Variants in SMIM19 observed in about 807,000 individuals in gnomAD.
SMIM19 encodes UPF0697 protein C8orf40.
Under a neutral mutation model 13.2 loss-of-function variants are expected in SMIM19, and 6 were observed. The observed-to-expected ratio is 0.45, with a 90% CI of 0.25 to 0.90. The LOEUF is 0.90. Ranked by LOEUF, SMIM19 falls within the 40% of genes least tolerant of loss-of-function variation. The probability of loss-of-function intolerance (pLI) is 0.19; values close to 1 mark genes in which losing one functional copy is unlikely to be tolerated. For synonymous variants in SMIM19, 46 were observed against 43.1 expected (o/e 1.07, Z -0.27); for missense variants, 138 against 131.0 (o/e 1.05, Z -0.26).
Position 42,554,286 on chromosome 8 carries a change from G to A in SMIM19, c.*1678G>A, listed in dbSNP as rs937150213. 25 of 152,270 alleles carry A rather than the reference G, an allele frequency of 1.6e-4. 1 individual carries two copies. The East Asian group carries it at 4.6e-3, about 28-fold the overall frequency. The allele number at this position is 152,270 out of a possible 1,614,324, so 9.4% of individuals were successfully genotyped here. On this transcript the variant is annotated 3_prime_UTR_variant, in exon 4 of 4. Coordinates refer to ENST00000417410, the MANE Select transcript of SMIM19 (RefSeq NM_001135674.2). ...GGTTGTAGTAACAGAGCAACAAGGG[G>A]ACAATCTTCTAAACTTGCCTTTGCC...
intron 2 of SMIM19, 34 bp downstream of exon 2, chr8:42,546,640 G>A: frequency 6.3e-7 from 1 of 1,587,358 alleles, no homozygotes; most frequent in Middle Eastern, 1.7e-4. Flanking sequence ...GATAAAAACT[G>A]TGCATTTACA....
At chr8:42,546,672 A>G in intron 2 of SMIM19, 66 bp downstream of exon 2, 1 of 1,556,146 alleles carries the variant, frequency 6.4e-7, no homozygotes, top group Non-Finnish European at 8.7e-7. Context: ...TTTAAGAAAT[A>G]TGAAATGAAT....
At chr8:42,549,687 G>A (rs1813603009) in intron 3 of SMIM19, among the ~76,000 whole-genome samples, 1 of 152,046 alleles carries the variant, frequency 6.6e-6, no homozygotes, top group Non-Finnish European at 1.5e-5. Flanking sequence ...TATATGTAAT[G>A]CCACTGAACT....
chr8:42,545,973 T>A (rs1813464911), intron 1 of SMIM19, among the ~76,000 whole-genome samples: 1 of 152,204 alleles, frequency 6.6e-6, no homozygotes, highest in African/African-American at 2.4e-5. Flanking sequence ...TATTTTAGGT[T>A]TTGTGGGCTT....
At position 42,552,588 on chromosome 8, in the gene SMIM19, G is replaced by C; in HGVS notation, c.304G>C (p.Val102Leu). The change falls in exon 4 of 4, where the codon GTG (valine) becomes CTG (leucine). Residue 102 changes from valine (V) to leucine (L), a missense_variant. Physicochemically the swap from Val to Leu is conservative, Grantham distance 32. Transcript: ENST00000417410. Reference sequence around the variant, plus strand: ...GCAGCCACAAAACCAAGCTGACAGTGTGCAACTCTCATTGGAATGAAACCT... The same window carrying C: ...GCAGCCACAAAACCAAGCTGACAGTCTGCAACTCTCATTGGAATGAAACCT... ...YQQPQNQADS[V>L]QLSLE 6.2e-7 allele frequency: 1 copy of C among 1,614,110 alleles called. No individual in the cohort carries two copies. The highest frequency in any genetic ancestry group is 8.5e-7 in the Non-Finnish European group (1 of 1,179,994).
At chr8:42,550,336 T>TA (rs1011923739) in intron 3 of SMIM19, among the ~76,000 whole-genome samples, 7 of 152,166 alleles carry the variant, frequency 4.6e-5, no homozygotes, top group Admixed American at 3.9e-4. Flanking sequence ...TGTAACAAAT[T>TA]ACCACAAATG....
chr8:42,546,002 G>T (rs1813466418), intron 1 of SMIM19, among the ~76,000 whole-genome samples: 1 of 152,122 alleles, frequency 6.6e-6, no homozygotes, highest in Non-Finnish European at 1.5e-5. Context: ...AATCAATATT[G>T]TGTAGGTGCA....
chr8:42,547,989 G>T (rs992401912), intron 2 of SMIM19, among the ~76,000 whole-genome samples: 1 of 152,148 alleles, frequency 6.6e-6, no homozygotes, highest in Non-Finnish European at 1.5e-5. Flanking sequence ...TTGGCCTGAG[G>T]AATCATTCAG....
intron 2 of SMIM19, 135 bp from the exon 3 acceptor site, chr8:42,548,521 A>G (rs1246315330): frequency 8.5e-7 from 1 of 1,182,882 alleles, no homozygotes; most frequent in African/African-American, 1.5e-5. Context: ...GCAGCTCTCA[A>G]AGACAAAATA....
At chr8:42,546,879 C>T (rs1396537553) in intron 2 of SMIM19, among the ~76,000 whole-genome samples, 1 of 150,376 alleles carries the variant, frequency 6.6e-6, no homozygotes. Flanking sequence ...GTTACTTGGG[C>T]GGCTGAGACA....
chr8:42,545,889 A>C (rs1813462079), intron 1 of SMIM19, among the ~76,000 whole-genome samples: 1 of 152,206 alleles, frequency 6.6e-6, no homozygotes, highest in South Asian at 2.1e-4. Context: ...TGGAAACTGC[A>C]ATAACATTTC....
chr8:42,552,017 GAAT>G (rs575897518), intron 3 of SMIM19, among the ~76,000 whole-genome samples: 1 of 152,098 alleles, frequency 6.6e-6, no homozygotes, highest in African/African-American at 2.4e-5. Context: ...CCTGATACAT[GAAT>G]AATAATAATA....
chr8:42,544,320 G>A (rs1244510085), intron 1 of SMIM19, among the ~76,000 whole-genome samples: 1 of 151,884 alleles, frequency 6.6e-6, no homozygotes, highest in East Asian at 1.9e-4. Flanking sequence ...CTGAGGCAGG[G>A]GAATGGTGTG....
intron 2 of SMIM19, 33 bp from the exon 3 acceptor site, chr8:42,548,623 C>A (rs1035070241): frequency 6.2e-7 from 1 of 1,611,468 alleles, no homozygotes; most frequent in Admixed American, 1.7e-5. Flanking sequence ...GACATTAATA[C>A]AAACATCTCT....
At chr8:42,551,730 C>T (rs1448309100) in intron 3 of SMIM19, among the ~76,000 whole-genome samples, 1 of 151,904 alleles carries the variant, frequency 6.6e-6, no homozygotes, top group African/African-American at 2.4e-5. Context: ...TCGTTTGAGC[C>T]CAAGAGTTCA....
chr8:42,549,042 T>G (rs1268936100), intron 3 of SMIM19, among the ~76,000 whole-genome samples: 1 of 152,180 alleles, frequency 6.6e-6, no homozygotes, highest in African/African-American at 2.4e-5. Flanking sequence ...AAGGTGGAAA[T>G]CACCCATAAG....
rs1346621234 is a variant in SMIM19 at position 42,553,337 on chromosome 8, C to T, written c.*729C>T. 6.6e-6 allele frequency: 1 copy of T among 152,134 alleles called. No homozygotes were observed. The highest frequency in any genetic ancestry group is 6.5e-5 in the Admixed American group (1 of 15,276). 9.4% of individuals were successfully genotyped at this position (152,134 alleles called of 1,614,324 possible). A position where few individuals can be genotyped will look rare whatever the true frequency, so the allele number is the denominator to read the frequency against. ...CTCCCAGGAGCGAGTTTGTTTTTAT[C>T]CCCGTTTCATTTCTACCAGGTAGCT... On this transcript the variant is annotated 3_prime_UTR_variant, in exon 4 of 4. Transcript: ENST00000417410.
At chr8:42,552,466 C>T (rs1813704644) in intron 3 of SMIM19, 78 bp from the exon 4 acceptor site, 7 of 1,419,838 alleles carry the variant, frequency 4.9e-6, no homozygotes, top group Non-Finnish European at 6.9e-6. Flanking sequence ...CATGACTTGA[C>T]TGTAATGTAA....
At position 42,541,747 on chromosome 8, in the gene SMIM19, G is replaced by GGCCGCGTCACCCGGCCCCGCCCCGC. The variant is rs1362514132; in HGVS notation, c.-625_-601dup. 1 of 149,050 alleles carries GGCCGCGTCACCCGGCCCCGCCCCGC rather than the reference G, an allele frequency of 6.7e-6. No homozygotes were observed. Among genetic ancestry groups the GGCCGCGTCACCCGGCCCCGCCCCGC allele is most frequent in the African/African-American group, 2.4e-5 (1 of 40,874 alleles). The allele number at this position is 149,050 out of a possible 1,614,324, so 9.2% of individuals were successfully genotyped here. A position where few individuals can be genotyped will look rare whatever the true frequency, so the allele number is the denominator to read the frequency against. On this transcript the variant is annotated 5_prime_UTR_variant, in exon 1 of 4. Transcript: ENST00000417410. ...CCCCGCTTCTCCCGGTCCCCGGCGG[G>GGCCGCGTCACCCGGCCCCGCCCCGC]GCCGCGTCACCCGGCCCCGCCCCGC...
Sources: allele counts gnomAD v4.1 joint callset (sites outside exome capture counted in the v4.1 genomes callset), GRCh38; gene constraint gnomAD v4.1.1; transcripts MANE v1.5; gene names NCBI Gene and HGNC (gene_info 2026-07-23, HGNC 2026-07-21).